ANTXR1: variants seen among roughly 807,000 people sequenced by gnomAD.
The protein encoded by ANTXR1 is anthrax toxin receptor 1.
ANTXR1 carries 19 observed loss-of-function variants against 78.1 expected under a neutral mutation model. The ratio of observed to expected loss-of-function variants is 0.24; its 90% CI spans 0.17 to 0.36. The LOEUF (loss-of-function observed/expected upper bound fraction) is 0.36. Among genes scored for constraint, ANTXR1 ranks in the 10% least tolerant of loss-of-function variants. The pLI is 1.00. For missense variants in ANTXR1, 518 were observed against 718.6 expected, an observed-to-expected ratio of 0.72 and a Z score of 3.19; for synonymous variants, 273 against 260.5, an observed-to-expected ratio of 1.05 and a Z score of -0.46.
chr2:69,241,657 CA>C (rs1022602591), intron 17 of ANTXR1, among the ~76,000 whole-genome samples: 3 of 151,982 alleles, frequency 2.0e-5, no homozygotes, highest in African/African-American at 2.4e-5. Context: ...TCCTATTTAC[CA>C]GTTGTATTAT....
rs765230766 is a variant in ANTXR1 at position 69,245,453 on chromosome 2, C to T, written c.1663C>T (p.Pro555Ser). Residue 555 changes from proline to serine, a missense_variant, in exon 18 of 18, where the codon CCC becomes TCC. Pro to Ser is a moderately conservative substitution (Grantham distance 74, BLOSUM62 -1). This residue lies in a region of ANTXR1 where 192 missense variants were observed against 230.2 expected (regional missense o/e 0.83). Coordinates refer to ENST00000303714, the MANE Select transcript of ANTXR1 (RefSeq NM_032208.3). ...TCCACCTCCCAACAGGGCACCTCCT[C>T]CCTCCCGCCCTCCTCCAAGGCCTTC... is the stretch of plus-strand genomic sequence containing the variant. ...QAPPPNRAPP[P>S]SRPPPRPSV is the part of the protein sequence containing the mutation. 15 of 1,608,422 alleles carry T rather than the reference C, an allele frequency of 9.3e-6. No homozygotes were observed. In the East Asian group the frequency reaches 3.4e-4, roughly 36 times the overall value.
intron 11 of ANTXR1, among the ~76,000 whole-genome samples, chr2:69,123,623 G>A (rs73934688): frequency 0.012 from 1,903 of 152,254 alleles, 35 homozygotes; most frequent in African/African-American, 0.042. Context: ...TTGACTCTGC[G>A]CAGCATCGGA....
At chr2:69,146,198 C>T in intron 12 of ANTXR1, 6 of 985,438 alleles carry the variant, frequency 6.1e-6, no homozygotes, top group African/African-American at 1.7e-5. Context: ...AGACTTAAAA[C>T]TATTCATTGA....
chr2:69,091,644 AATACTGCTATACTAAAGTTT>A (rs1414473696), intron 9 of ANTXR1, among the ~76,000 whole-genome samples: 1 of 152,090 alleles, frequency 6.6e-6, no homozygotes, highest in Non-Finnish European at 1.5e-5. Context: ...CCATACTGGA[AATACTGCTATACTAAAGTTT>A]TTAGTTGGAT....
chr2:69,031,027 AC>A (rs1671517101), intron 1 of ANTXR1, among the ~76,000 whole-genome samples: 1 of 152,222 alleles, frequency 6.6e-6, no homozygotes, highest in African/African-American at 2.4e-5. Context: ...TTGTTCATGT[AC>A]TATCAATAGC....
chr2:69,191,686 T>C (rs1674549914), intron 16 of ANTXR1, among the ~76,000 whole-genome samples: 1 of 152,240 alleles, frequency 6.6e-6, no homozygotes, highest in South Asian at 2.1e-4. Context: ...AAAATTGATT[T>C]CATAAGGGCT....
intron 3 of ANTXR1, among the ~76,000 whole-genome samples, chr2:69,047,711 C>T (rs1358702277): frequency 6.6e-6 from 1 of 152,086 alleles, no homozygotes; most frequent in Non-Finnish European, 1.5e-5. Flanking sequence ...CCCCAGTCCA[C>T]CAGTTTTGTT....
At chr2:69,076,411 G>A (rs1420614665) in intron 7 of ANTXR1, among the ~76,000 whole-genome samples, 4 of 152,184 alleles carry the variant, frequency 2.6e-5, no homozygotes, top group African/African-American at 9.7e-5. Context: ...GTGTATAGGT[G>A]CATATAATAA....
rs775318960 is a variant in ANTXR1 at position 69,013,690 on chromosome 2, C to G, written c.152+39C>G. 1 of 1,551,268 alleles carries G rather than the reference C, an allele frequency of 6.4e-7. No homozygotes were observed. Among genetic ancestry groups the G allele is most frequent in the Non-Finnish European group, 8.7e-7 (1 of 1,146,786 alleles). On this transcript the variant is annotated intron_variant, in intron 1 of 17. Coordinates refer to ENST00000303714, the MANE Select transcript of ANTXR1 (RefSeq NM_032208.3). The surrounding 1 kb of genome is among the most constrained non-coding windows in gnomAD (Gnocchi z 5.0). ...GTTGTCCCCCCCACCCCAGGCTAAGCGGGCGAAAACGCTTTCGCCCCGGGC... is the reference window on the plus strand; with the variant it reads ...GTTGTCCCCCCCACCCCAGGCTAAGGGGGCGAAAACGCTTTCGCCCCGGGC...
At chr2:69,071,728 T>C in intron 4 of ANTXR1, 26 bp from the exon 5 acceptor site, 1 of 1,613,568 alleles carries the variant, frequency 6.2e-7, no homozygotes, top group Non-Finnish European at 8.5e-7. Flanking sequence ...GTTATAAGTC[T>C]AAGGGCTCTT....
intron 17 of ANTXR1, among the ~76,000 whole-genome samples, chr2:69,234,338 A>G (rs546648355): frequency 8.8e-4 from 134 of 152,360 alleles, no homozygotes; most frequent in Non-Finnish European, 1.6e-3. Context: ...TATTTAACAA[A>G]TGGTATTTCT....
At chr2:69,031,726 A>G (rs543792641) in intron 1 of ANTXR1, among the ~76,000 whole-genome samples, 21 of 152,348 alleles carry the variant, frequency 1.4e-4, no homozygotes, top group African/African-American at 4.8e-4. Flanking sequence ...TGTGATCTTA[A>G]TCCTCCAAGT....
intron 11 of ANTXR1, 55 bp from the exon 12 acceptor site, chr2:69,124,510 C>A: frequency 6.6e-7 from 1 of 1,505,700 alleles, no homozygotes; most frequent in Non-Finnish European, 9.2e-7. Flanking sequence ...TGGCTCTCAG[C>A]CTGTTGCTCA....
chr2:69,147,318 C>T (rs12464261), intron 12 of ANTXR1, among the ~76,000 whole-genome samples: 89,708 of 152,196 alleles, frequency 0.59, 27,950 homozygotes, highest in East Asian at 0.91. Flanking sequence ...TGTGCATCTA[C>T]TTCTATTCTA....
intron 17 of ANTXR1, among the ~76,000 whole-genome samples, chr2:69,216,049 G>T (rs1230629114): frequency 6.6e-6 from 1 of 152,210 alleles, no homozygotes; most frequent in Non-Finnish European, 1.5e-5. Flanking sequence ...CCAGAGGTGG[G>T]AGCTCTTTTA....
chr2:69,209,286 T>G (rs1302447889), intron 17 of ANTXR1, among the ~76,000 whole-genome samples: 2 of 152,250 alleles, frequency 1.3e-5, no homozygotes, highest in Middle Eastern at 3.2e-3. Context: ...TGGTTCATGT[T>G]TGACGAGAGC....
At chr2:69,032,426 A>T (rs79256004) in intron 1 of ANTXR1, among the ~76,000 whole-genome samples, 1 of 151,412 alleles carries the variant, frequency 6.6e-6, no homozygotes, top group Non-Finnish European at 1.5e-5. Flanking sequence ...TTGTGATACG[A>T]TATTTGTAAA....
intron 9 of ANTXR1, among the ~76,000 whole-genome samples, chr2:69,092,745 G>A (rs1456335259): frequency 1.3e-5 from 2 of 152,310 alleles, no homozygotes; most frequent in African/African-American, 2.4e-5. Flanking sequence ...TTCATAAGGG[G>A]CCTGTGCAGT....
intron 1 of ANTXR1, among the ~76,000 whole-genome samples, chr2:69,037,220 G>A (rs149138016): frequency 5.9e-5 from 9 of 152,214 alleles, no homozygotes; most frequent in Non-Finnish European, 1.2e-4. Context: ...GGTTCAGTTG[G>A]CAAAAGATCA....
Sources: gnomAD v4.1 joint callset for allele counts (sites outside exome capture counted in the v4.1 genomes callset) on GRCh38, gnomAD v4.1.1 for gene constraint, gnomAD v4.1.1 regional missense constraint, Gnocchi (gnomAD v3.1) non-coding constraint, MANE v1.5 for transcripts, NCBI Gene and HGNC (gene_info 2026-07-23, HGNC 2026-07-21) for gene names.